The following BCL2 variants were observed in gnomAD, a reference collection of about 807,000 sequenced individuals.
BCL2 encodes the protein apoptosis regulator Bcl-2.
BCL2 carries 1 observed loss-of-function variant against 14.2 expected under a neutral mutation model. That is an observed-to-expected ratio of 0.07 (90% CI 0.02 to 0.33). The LOEUF (loss-of-function observed/expected upper bound fraction) is 0.33, where lower values mean the gene tolerates loss of function less well. BCL2 is among the 10% of genes least tolerant of loss of function. BCL2 has a pLI of 0.99. For synonymous variants in BCL2, 151 were observed against 137.2 expected, an observed-to-expected ratio of 1.10 and a Z score of -0.70; for missense variants, 247 against 305.9, an observed-to-expected ratio of 0.81 and a Z score of 1.44.
At chr18:63,248,550 C>T (rs920492178) in intron 2 of BCL2, among the ~76,000 whole-genome samples, 1 of 152,190 alleles carries the variant, frequency 6.6e-6, no homozygotes, top group African/African-American at 2.4e-5. Context: ...TTAGCTCCTA[C>T]GTTCATTTTA....
chr18:63,272,387 C>T (rs1912027281), intron 2 of BCL2, among the ~76,000 whole-genome samples: 2 of 152,144 alleles, frequency 1.3e-5, no homozygotes, highest in Admixed American at 6.5e-5. Context: ...TTAATATTCT[C>T]GTGTCTTTTA....
intron 2 of BCL2, among the ~76,000 whole-genome samples, chr18:63,273,327 C>T (rs575157760): frequency 1.6e-4 from 25 of 152,300 alleles, no homozygotes; most frequent in African/African-American, 5.5e-4. Context: ...CTCCCAAGGC[C>T]GTTCTGGATT....
At chr18:63,195,366 G>T (rs1909416136) in intron 2 of BCL2, among the ~76,000 whole-genome samples, 1 of 152,196 alleles carries the variant, frequency 6.6e-6, no homozygotes, top group South Asian at 2.1e-4. Flanking sequence ...TTTTGGAAAA[G>T]TTACATGTGT....
At chr18:63,316,106 A>G (rs1428876035) in intron 2 of BCL2, 1 of 152,640 alleles carries the variant, frequency 6.6e-6, no homozygotes, top group African/African-American at 2.4e-5. Context: ...AGATAGGTCT[A>G]CTATGAAAAC....
In BCL2 at chr18:63,318,633, G is replaced by A; in HGVS notation, c.34C>T (p.Arg12Trp). ...AHAGRTGYDN[R>W]EIVMKYIHYK... ...TGGATGTACTTCATCACTATCTCCC[G>A]GTTATCGTACCCTGTTCTCCCAGCG... The change falls in exon 2 of 3, where the codon CGG (arginine) becomes TGG (tryptophan). Residue 12 changes from arginine to tryptophan, a missense_variant. Arg to Trp is a moderately radical substitution (Grantham distance 101). Around this residue, in one of 3 missense-constraint regions of BCL2, gnomAD observed 144 missense variants for 135.3 expected, o/e 1.06. Transcript: ENST00000333681. The surrounding 1 kb of genome is among the most constrained non-coding windows in gnomAD (Gnocchi z 7.4). 6.2e-7 allele frequency: 1 copy of A among 1,613,200 alleles called. No individual in the cohort carries two copies.
At chr18:63,266,736 C>T (rs1419558261) in intron 2 of BCL2, among the ~76,000 whole-genome samples, 2 of 151,864 alleles carry the variant, frequency 1.3e-5, no homozygotes, top group Admixed American at 6.6e-5. Flanking sequence ...GCCCACAAGG[C>T]TGTGTGACCT....
chr18:63,127,405 A>G lies in BCL2; in HGVS notation c.*1220T>C. The G allele has an allele frequency of 4.2e-6, 1 of 236,294 alleles. No individual in the cohort carries two copies. The highest frequency in any genetic ancestry group is 8.3e-6 in the Non-Finnish European group (1 of 119,914). 14.6% of individuals were successfully genotyped at this position (236,294 alleles called of 1,614,324 possible). On this transcript the variant is annotated 3_prime_UTR_variant, in exon 3 of 3. Coordinates refer to ENST00000333681, the MANE Select transcript of BCL2 (RefSeq NM_000633.3). ...CTGTTCCTTCCCTCTACAGTGATAC[A>G]TGTCTTAAGAAGGGTCGTGGCTCCC...
At chr18:63,178,899 C>CAA (rs111876869) in intron 2 of BCL2, among the ~76,000 whole-genome samples, 3,114 of 132,854 alleles carry the variant, frequency 0.023, 51 homozygotes, top group Non-Finnish European at 0.035. Context: ...GGGTTCAAGG[C>CAA]AAAAAAAAAA....
intron 2 of BCL2, among the ~76,000 whole-genome samples, chr18:63,236,796 GCACT>G (rs1244199609): frequency 1.3e-5 from 2 of 152,146 alleles, no homozygotes; most frequent in Non-Finnish European, 2.9e-5. Context: ...TAAGAACAGG[GCACT>G]GCGCTGCGTT....
chr18:63,306,873 A>G (rs1398019673), intron 2 of BCL2, among the ~76,000 whole-genome samples: 1 of 145,688 alleles, frequency 6.9e-6, no homozygotes, highest in East Asian at 2.0e-4. Flanking sequence ...ATCAGCTATC[A>G]TTCGTGTTAG....
At chr18:63,243,622 T>C (rs773925036) in intron 2 of BCL2, among the ~76,000 whole-genome samples, 13 of 152,170 alleles carry the variant, frequency 8.5e-5, no homozygotes, top group Non-Finnish European at 1.8e-4. Context: ...GGGCTGAAAC[T>C]CTTTGCTCAT....
At chr18:63,212,748 T>TGGCGGGC (rs1910074679) in intron 2 of BCL2, among the ~76,000 whole-genome samples, 1 of 151,966 alleles carries the variant, frequency 6.6e-6, no homozygotes, top group Non-Finnish European at 1.5e-5. Context: ...CAGTGGCACA[T>TGGCGGGC]GCCTGTAGTC....
rs534440422 is a variant in BCL2 at position 63,229,426 on chromosome 18, C to T, written c.585+88656G>A. ...TTTGAGTATTTGTCCCCCCGAATCTCATATTGAAATATAATCCCCAATGCT... is the reference window on the plus strand; with the variant it reads ...TTTGAGTATTTGTCCCCCCGAATCTTATATTGAAATATAATCCCCAATGCT... On this transcript the variant is annotated intron_variant, in intron 2 of 2. Transcript: ENST00000333681. Among the ~76,000 whole-genome samples, 22 of 152,298 alleles carry T rather than the reference C, an allele frequency of 1.4e-4. No individual in the cohort carries two copies. In the South Asian group the frequency reaches 2.1e-3, roughly 14 times the overall value.
At chr18:63,198,844 T>A (rs200955065) in intron 2 of BCL2, among the ~76,000 whole-genome samples, 3 of 3,348 alleles carry the variant, frequency 9.0e-4, no homozygotes, top group Non-Finnish European at 2.0e-3. Context: ...CAGACACACA[T>A]AGACACAGAG....
chr18:63,155,287 G>C (rs868365980), intron 2 of BCL2, among the ~76,000 whole-genome samples: 13 of 152,300 alleles, frequency 8.5e-5, no homozygotes, highest in South Asian at 2.1e-4. Context: ...GCCACAGCAC[G>C]TCTCCTGGCC....
intron 2 of BCL2, among the ~76,000 whole-genome samples, chr18:63,181,741 G>C (rs970530584): frequency 7.9e-5 from 12 of 152,130 alleles, no homozygotes. Flanking sequence ...ACGATTTGAC[G>C]TCTCTGTTTT....
At chr18:63,230,056 G>T (rs752816182) in intron 2 of BCL2, among the ~76,000 whole-genome samples, 2 of 151,976 alleles carry the variant, frequency 1.3e-5, no homozygotes, top group Non-Finnish European at 2.9e-5. Flanking sequence ...CATGGGAAGA[G>T]AATTCTCTAC....
At chr18:63,304,709 C>T (rs1913069248) in intron 2 of BCL2, among the ~76,000 whole-genome samples, 1 of 151,950 alleles carries the variant, frequency 6.6e-6, no homozygotes, top group African/African-American at 2.4e-5. Flanking sequence ...GCCTAGTACC[C>T]ATTAGTTATT....
chr18:63,223,070 C>T (rs1472519295), intron 2 of BCL2, among the ~76,000 whole-genome samples: 1 of 152,148 alleles, frequency 6.6e-6, no homozygotes, highest in African/African-American at 2.4e-5. Context: ...GCACCGGTGA[C>T]CTCTGGAACT....
Sources: gnomAD v4.1 joint callset for allele counts (sites outside exome capture counted in the v4.1 genomes callset) on GRCh38, gnomAD v4.1.1 for gene constraint, gnomAD v4.1.1 regional missense constraint, Gnocchi (gnomAD v3.1) non-coding constraint, MANE v1.5 for transcripts, NCBI Gene and HGNC (gene_info 2026-07-23, HGNC 2026-07-21) for gene names.